Variants in CLUL1 observed in about 807,000 individuals in gnomAD.
CLUL1 encodes the protein clusterin like 1.
CLUL1 carries 43 observed loss-of-function variants against 49.4 expected under a neutral mutation model. The ratio of observed to expected loss-of-function variants is 0.87; its 90% CI spans 0.68 to 1.12. The LOEUF is 1.12. Ranked by LOEUF, CLUL1 falls within the 50% of genes most tolerant of loss-of-function variation. The pLI, the probability that CLUL1 is intolerant of heterozygous loss-of-function variation, is 0.00. For synonymous variants in CLUL1, 192 were observed against 184.9 expected (o/e 1.04, Z -0.31); for missense variants, 486 against 544.4 (o/e 0.89, Z 1.07).
At chr18:601,470 A>G (rs987676170) in intron 1 of CLUL1, among the ~76,000 whole-genome samples, 2 of 152,006 alleles carry the variant, frequency 1.3e-5, no homozygotes, top group African/African-American at 4.8e-5. Flanking sequence ...TGGTGAATGA[A>G]GCCCTGTCTC....
At chr18:626,766 C>G (rs780519012) in intron 5 of CLUL1, among the ~76,000 whole-genome samples, 4 of 149,042 alleles carry the variant, frequency 2.7e-5, no homozygotes, top group Non-Finnish European at 5.9e-5. Context: ...AAGGCTGAGA[C>G]AGAAGAATCA....
rs2073294716 is a variant in CLUL1, at chr18:616,429, T to A, written c.-13-1559T>A. On this transcript the variant is annotated intron_variant, in intron 2 of 9. Coordinates refer to ENST00000692774, the MANE Select transcript of CLUL1 (RefSeq NM_001393344.1). Reference sequence around the variant, plus strand: ...ATCTAAGAGACTAATTTTGCTTACATAGGAAACTACATATTTTAAATTGAA... The same window carrying A: ...ATCTAAGAGACTAATTTTGCTTACAAAGGAAACTACATATTTTAAATTGAA... Among the ~76,000 whole-genome samples, 4 of 152,228 alleles carry A rather than the reference T, an allele frequency of 2.6e-5. No homozygotes were observed. In the South Asian group the frequency reaches 8.3e-4, roughly 32 times the overall value.
chr18:600,266 AT>A (rs1446138458), intron 1 of CLUL1, among the ~76,000 whole-genome samples: 2 of 152,212 alleles, frequency 1.3e-5, no homozygotes, highest in Non-Finnish European at 2.9e-5. Context: ...CTGGACAGAC[AT>A]GAAGGACACA....
chr18:626,890 AG>A (rs376422037), intron 5 of CLUL1, among the ~76,000 whole-genome samples: 11 of 1,594 alleles, frequency 6.9e-3, no homozygotes, highest in African/African-American at 0.031. Context: ...AAAGAAAGAA[AG>A]AAAGAAAGAA....
intron 2 of CLUL1, among the ~76,000 whole-genome samples, chr18:610,255 T>C (rs1433622070): frequency 6.6e-6 from 1 of 152,196 alleles, no homozygotes; most frequent in Non-Finnish European, 1.5e-5. Flanking sequence ...TGCTTTAGCT[T>C]ACTCAAAAAT....
At chr18:602,041 C>A (rs555832841) in intron 1 of CLUL1, among the ~76,000 whole-genome samples, 1 of 151,876 alleles carries the variant, frequency 6.6e-6, no homozygotes, top group Non-Finnish European at 1.5e-5. Context: ...GGCAACAAAG[C>A]GAGACCTCAT....
intron 5 of CLUL1, among the ~76,000 whole-genome samples, chr18:626,748 C>G (rs956806158): frequency 6.7e-6 from 1 of 149,676 alleles, no homozygotes; most frequent in East Asian, 2.0e-4. Context: ...GTAATCCCAG[C>G]TACTCGGAAG....
At chr18:636,578 GAGTGGTT>G (rs1031408984) in intron 7 of CLUL1, among the ~76,000 whole-genome samples, 22 of 150,318 alleles carry the variant, frequency 1.5e-4, no homozygotes, top group African/African-American at 5.4e-4. Flanking sequence ...ATCATTATTC[GAGTGGTT>G]AGTAAACCTG....
intron 9 of CLUL1, among the ~76,000 whole-genome samples, chr18:647,961 G>C (rs11872762): frequency 0.13 from 19,713 of 152,142 alleles, 1,518 homozygotes; most frequent in East Asian, 0.26. Flanking sequence ...TGGGGACTTA[G>C]GACTCTGCCT....
chr18:608,023 G>A (rs1387075896), intron 2 of CLUL1, among the ~76,000 whole-genome samples: 8 of 152,212 alleles, frequency 5.3e-5, no homozygotes, highest in Admixed American at 5.2e-4. Flanking sequence ...GCAGAGGGAT[G>A]AACTGCCGTC....
intron 2 of CLUL1, chr18:616,621 G>A (rs2073301075): frequency 4.6e-6 from 2 of 433,812 alleles, no homozygotes; most frequent in South Asian, 9.7e-5. Flanking sequence ...TCAAAATGTT[G>A]GGTTAATAGG....
chr18:633,826 CG>C (rs2074061042), intron 7 of CLUL1, among the ~76,000 whole-genome samples: 1 of 115,532 alleles, frequency 8.7e-6, no homozygotes, highest in Non-Finnish European at 1.8e-5. Context: ...AGCGTGTAAT[CG>C]GAATGAATCA....
chr18:598,929 A>C (rs1240548323), intron 1 of CLUL1, among the ~76,000 whole-genome samples: 1 of 152,188 alleles, frequency 6.6e-6, no homozygotes, highest in African/African-American at 2.4e-5. Context: ...AAATATGTCC[A>C]TTGTTGTCTG....
rs2143938564 is a variant in CLUL1 at position 606,682 on chromosome 18, C to A, written c.-135-296C>A. On this transcript the variant is annotated intron_variant, in intron 1 of 9. Coordinates refer to ENST00000692774, the MANE Select transcript of CLUL1 (RefSeq NM_001393344.1). This position sits in a 1 kb window ranked among gnomAD's most constrained non-coding sequence, Gnocchi z 4.1. ...GTAGCCAAAAGGCTATTGGAGTCTT[C>A]TCAAATGAAAGAGATTTTATCAAAG... Among the ~76,000 whole-genome samples, 2 of 152,068 alleles carry A rather than the reference C, an allele frequency of 1.3e-5. No homozygotes were observed.
At chr18:602,262 C>T (rs1227164572) in intron 1 of CLUL1, among the ~76,000 whole-genome samples, 2 of 152,174 alleles carry the variant, frequency 1.3e-5, no homozygotes, top group African/African-American at 4.8e-5. Flanking sequence ...CCCTCAGGAA[C>T]CTTTCATTTA....
chr18:640,232 G>C (rs1014380368), intron 7 of CLUL1, among the ~76,000 whole-genome samples: 2 of 151,686 alleles, frequency 1.3e-5, no homozygotes, highest in Admixed American at 6.6e-5. Context: ...GCAGCATAGT[G>C]AGACCCGCCT....
At chr18:617,477 C>G (rs1175065168) in intron 2 of CLUL1, among the ~76,000 whole-genome samples, 2 of 151,626 alleles carry the variant, frequency 1.3e-5, no homozygotes, top group Non-Finnish European at 2.9e-5. Context: ...GCCTATAATC[C>G]CAGCTACTTG....
intron 2 of CLUL1, among the ~76,000 whole-genome samples, chr18:610,903 G>A (rs1275049400): frequency 3.3e-5 from 5 of 152,114 alleles, no homozygotes; most frequent in Non-Finnish European, 5.9e-5. Context: ...TAAAAAAAGA[G>A]ATGAATGCAT....
intron 9 of CLUL1, among the ~76,000 whole-genome samples, chr18:648,362 G>A (rs185685042): frequency 6.6e-6 from 1 of 152,226 alleles, no homozygotes; most frequent in Non-Finnish European, 1.5e-5. Flanking sequence ...TTTTTCACAG[G>A]CAATGTTAAT....
Sources: gnomAD v4.1 joint callset for allele counts (sites outside exome capture counted in the v4.1 genomes callset) on GRCh38, gnomAD v4.1.1 for gene constraint, Gnocchi (gnomAD v3.1) non-coding constraint, MANE v1.5 for transcripts, NCBI Gene and HGNC (gene_info 2026-07-23, HGNC 2026-07-21) for gene names.